The following MICAL3 variants were observed in gnomAD, a reference collection of about 807,000 sequenced individuals.
MICAL3 encodes the protein [F-actin]-monooxygenase MICAL3.
MICAL3 carries 62 observed loss-of-function variants against 207.4 expected under a neutral mutation model. That is an observed-to-expected ratio of 0.30 (90% CI 0.24 to 0.37). The LOEUF (loss-of-function observed/expected upper bound fraction) is 0.37, where lower values mean the gene tolerates loss of function less well. Among genes scored for constraint, MICAL3 ranks in the 10% least tolerant of loss-of-function variants. MICAL3 has a pLI of 1.00. For synonymous variants in MICAL3, 1,077 were observed against 1,069.3 expected, an observed-to-expected ratio of 1.01 and a Z score of -0.14; for missense variants, 2,368 against 2,635.6, an observed-to-expected ratio of 0.90 and a Z score of 2.22.
intron 1 of MICAL3, among the ~76,000 whole-genome samples, chr22:17,951,519 A>G (rs1358344449): frequency 6.6e-6 from 1 of 151,662 alleles, no homozygotes; most frequent in Non-Finnish European, 1.5e-5. Flanking sequence ...CGCCAAAGGA[A>G]AAACTCAGGG....
chr22:17,809,071 T>A (rs1025437813), intron 28 of MICAL3, 134 bp from the exon 29 acceptor site: 1 of 735,836 alleles, frequency 1.4e-6, no homozygotes, highest in Non-Finnish European at 2.2e-6. Context: ...GGCGGTGCGC[T>A]CAGGGTGTGG....
chr22:17,986,501 C>G (rs1921029136), intron 1 of MICAL3, among the ~76,000 whole-genome samples: 1 of 151,886 alleles, frequency 6.6e-6, no homozygotes, highest in South Asian at 2.1e-4. Flanking sequence ...GCCTGGGCAA[C>G]AGAGCGAGAA....
intron 1 of MICAL3, among the ~76,000 whole-genome samples, chr22:17,907,482 C>A (rs1316844976): frequency 6.6e-6 from 1 of 152,212 alleles, no homozygotes; most frequent in East Asian, 1.9e-4. Context: ...CTCACCTGCA[C>A]ACGTGAGCTC....
chr22:17,937,983 C>A (rs1343040581), intron 1 of MICAL3, among the ~76,000 whole-genome samples: 1 of 152,190 alleles, frequency 6.6e-6, no homozygotes, highest in African/African-American at 2.4e-5. Context: ...TTACAAACAT[C>A]CCTTTCTTGC....
At position 17,823,859 on chromosome 22, in the gene MICAL3, A is replaced by T. The variant is rs955989517; in HGVS notation, c.3194-799T>A. On this transcript the variant is annotated intron_variant, in intron 22 of 31. Transcript: ENST00000441493. ...TAGAGGGACCGTTTCTTTAGCGAGA[A>T]GTCTGAGGTCCAGCCAGCTGAGGGG... Among the ~76,000 whole-genome samples the T allele has an allele frequency of 9.2e-5, 14 of 152,222 alleles. No individual in the cohort carries two copies. The East Asian group carries it at 2.3e-3, about 25-fold the overall frequency.
At chr22:17,961,492 C>T (rs542827962) in intron 1 of MICAL3, among the ~76,000 whole-genome samples, 3 of 152,060 alleles carry the variant, frequency 2.0e-5, no homozygotes, top group African/African-American at 7.2e-5. Context: ...CTCCTTCCCC[C>T]CACCCTCTCA....
intron 3 of MICAL3, among the ~76,000 whole-genome samples, chr22:17,903,219 T>A (rs1442547197): frequency 6.6e-6 from 1 of 152,196 alleles, no homozygotes; most frequent in Non-Finnish European, 1.5e-5. Flanking sequence ...CACATTCTTA[T>A]AAGGCAAGGA....
intron 28 of MICAL3, among the ~76,000 whole-genome samples, chr22:17,810,054 ATTTTTTTTTTTT>A (rs758573402): frequency 6.2e-5 from 6 of 97,048 alleles, no homozygotes; most frequent in African/African-American, 2.5e-4. Flanking sequence ...ATGCCTGGCT[ATTTTTTTTTTTT>A]TTTTTTTTTT....
chr22:17,955,337 GGT>G (rs1310250042), intron 1 of MICAL3, among the ~76,000 whole-genome samples: 1 of 152,200 alleles, frequency 6.6e-6, no homozygotes, highest in Non-Finnish European at 1.5e-5. Flanking sequence ...CTCCACAACA[GGT>G]GTGTGTCTGC....
At chr22:17,919,075 G>GTTTTTT (rs1470401519) in intron 1 of MICAL3, among the ~76,000 whole-genome samples, 1 of 117,590 alleles carries the variant, frequency 8.5e-6, no homozygotes, top group Non-Finnish European at 1.7e-5. Flanking sequence ...GGTTTTTGTG[G>GTTTTTT]GTTTTTTTTT....
chr22:17,923,788 T>C (rs187473528), intron 1 of MICAL3, among the ~76,000 whole-genome samples: 1 of 152,382 alleles, frequency 6.6e-6, no homozygotes, highest in Admixed American at 6.5e-5. Flanking sequence ...TGTGACCCTC[T>C]TGCCAACTGT....
At chr22:17,954,509 A>G (rs990675580) in intron 1 of MICAL3, among the ~76,000 whole-genome samples, 22 of 152,174 alleles carry the variant, frequency 1.4e-4, no homozygotes, top group Admixed American at 9.8e-4. Flanking sequence ...ATAGAAAATG[A>G]GGGTTTCTGG....
intron 16 of MICAL3, among the ~76,000 whole-genome samples, chr22:17,873,943 A>G (rs1202612660): frequency 6.6e-6 from 1 of 152,232 alleles, no homozygotes; most frequent in Non-Finnish European, 1.5e-5. Flanking sequence ...ACCTGACCCT[A>G]ATTCTGACTC....
intron 19 of MICAL3, among the ~76,000 whole-genome samples, chr22:17,854,300 C>G (rs1925668016): frequency 6.6e-6 from 1 of 152,166 alleles, no homozygotes; most frequent in African/African-American, 2.4e-5. Context: ...GAAGCCCTCA[C>G]AGCAAAGCAG....
At position 17,896,349 on chromosome 22, in the gene MICAL3, T is replaced by C. The variant is rs765848888; in HGVS notation, c.1219A>G (p.Met407Val). Residue 407 changes from methionine to valine, a missense_variant, in exon 9 of 32, where the codon ATG becomes GTG. Coordinates refer to ENST00000441493, the MANE Select transcript of MICAL3 (RefSeq NM_015241.3). ...GDSLLEPFWP[M>V]GTGIARGFLA... ...AAGCCCCGGGCTATTCCTGTTCCCA[T>C]TGGCCAGAAAGGCTGTAGATAAGAC... 25 of 1,551,754 alleles carry C rather than the reference T, an allele frequency of 1.6e-5. No individual in the cohort carries two copies. In the Admixed American group the frequency reaches 2.1e-4, roughly 13 times the overall value.
At chr22:17,919,076 G>GTTT (rs35096617) in intron 1 of MICAL3, among the ~76,000 whole-genome samples, 28,250 of 136,384 alleles carry the variant, frequency 0.21, 3,296 homozygotes, top group Middle Eastern at 0.29. Flanking sequence ...GTTTTTGTGG[G>GTTT]TTTTTTTTTT....
intron 24 of MICAL3, 86 bp from the exon 25 acceptor site, chr22:17,821,595 G>C: frequency 8.8e-7 from 1 of 1,133,230 alleles, no homozygotes; most frequent in Non-Finnish European, 1.3e-6. Flanking sequence ...CCAGAGGGTG[G>C]AGGGGAGGGT....
Position 17,808,828 on chromosome 22 carries a change from GGGAGCCCGGCAGTACCTGCTTCGCCCC to G in MICAL3, c.5639_5650+15del. Reference sequence around the variant, plus strand: ...CTTCCTCCAGGAGCAGAGCTTAGGAGGGAGCCCGGCAGTACCTGCTTCGCCCCGGAGCGCCTTCTCCACAGCCACGCC... The same window carrying G: ...CTTCCTCCAGGAGCAGAGCTTAGGAGGGAGCGCCTTCTCCACAGCCACGCC... On this transcript the variant is annotated splice_donor_variant and splice_donor_5th_base_variant and coding_sequence_variant and intron_variant, in exon 29 of 32. Coordinates refer to ENST00000441493, the MANE Select transcript of MICAL3 (RefSeq NM_015241.3). LOFTEE classifies it high-confidence loss of function. 1 of 1,550,142 alleles carries G rather than the reference GGGAGCCCGGCAGTACCTGCTTCGCCCC, an allele frequency of 6.5e-7. No individual in the cohort carries two copies. Among genetic ancestry groups the G allele is most frequent in the Non-Finnish European group, 8.7e-7 (1 of 1,146,002 alleles).
At chr22:17,929,923 A>C (rs1214944640) in intron 1 of MICAL3, among the ~76,000 whole-genome samples, 2 of 152,238 alleles carry the variant, frequency 1.3e-5, no homozygotes, top group Non-Finnish European at 1.5e-5. Context: ...GCTATGTGTA[A>C]CCAAGAAAAC....
Sources: allele counts gnomAD v4.1 joint callset (sites outside exome capture counted in the v4.1 genomes callset), GRCh38; gene constraint gnomAD v4.1.1; transcripts MANE v1.5; gene names NCBI Gene and HGNC (gene_info 2026-07-23, HGNC 2026-07-21).